DPYD: variants seen among roughly 807,000 people sequenced by gnomAD.
DPYD encodes the protein dihydropyrimidine dehydrogenase, also known as dihydropyrimidine dehydrogenase [NADP(+)].
Under a neutral mutation model 116.2 loss-of-function variants are expected in DPYD, and 109 were observed. The ratio of observed to expected loss-of-function variants is 0.94; its 90% CI spans 0.80 to 1.10. The LOEUF is 1.10. Among genes scored for constraint, DPYD ranks in the 50% least tolerant of loss-of-function variants. The probability of loss-of-function intolerance (pLI) is 0.00; values close to 1 mark genes in which losing one functional copy is unlikely to be tolerated. For missense variants in DPYD, 1,302 were observed against 1,254.5 expected (o/e 1.04, Z -0.57); for synonymous variants, 440 against 432.0 (o/e 1.02, Z -0.23).
At chr1:97,915,393 G>A (rs1674162475) in intron 1 of DPYD, among the ~76,000 whole-genome samples, 1 of 152,064 alleles carries the variant, frequency 6.6e-6, no homozygotes, top group South Asian at 2.1e-4. Context: ...GTTATATGTT[G>A]AGTTTGAATG....
At chr1:97,810,266 A>G (rs371368507) in intron 3 of DPYD, among the ~76,000 whole-genome samples, 26 of 144,882 alleles carry the variant, frequency 1.8e-4, no homozygotes, top group African/African-American at 6.7e-4. Flanking sequence ...CAGCCTGGGC[A>G]ACAGAGTGAG....
chr1:97,315,086 T>C (rs1398005817), intron 16 of DPYD, among the ~76,000 whole-genome samples: 1 of 151,804 alleles, frequency 6.6e-6, no homozygotes, highest in Non-Finnish European at 1.5e-5. Context: ...AACTGATGAG[T>C]AGATATGCTA....
intron 16 of DPYD, among the ~76,000 whole-genome samples, chr1:97,371,361 T>C (rs1414669197): frequency 6.6e-6 from 1 of 152,172 alleles, no homozygotes; most frequent in African/African-American, 2.4e-5. Flanking sequence ...TAGTAAGTTT[T>C]CAACAGATGA....
chr1:97,363,237 CA>C (rs1670840804), intron 16 of DPYD, among the ~76,000 whole-genome samples: 1 of 152,188 alleles, frequency 6.6e-6, no homozygotes, highest in South Asian at 2.1e-4. Context: ...AAATGCAAAT[CA>C]AAACCACAAT....
At chr1:97,264,277 C>T (rs77669363) in intron 18 of DPYD, among the ~76,000 whole-genome samples, 161 of 147,226 alleles carry the variant, frequency 1.1e-3, no homozygotes, top group African/African-American at 4.0e-3. Context: ...ATCTTCCTGC[C>T]TCACCCTCTC....
intron 14 of DPYD, among the ~76,000 whole-genome samples, chr1:97,394,711 T>TA (rs556400756): frequency 3.3e-5 from 5 of 151,964 alleles, no homozygotes; most frequent in South Asian, 4.1e-4. Flanking sequence ...CTTCAATTTG[T>TA]AAAAAAAGCA....
chr1:97,917,545 C>A (rs1169347413), intron 1 of DPYD, among the ~76,000 whole-genome samples: 1 of 152,100 alleles, frequency 6.6e-6, no homozygotes, highest in African/African-American at 2.4e-5. Flanking sequence ...ATTCCGAAAC[C>A]ATTTCTGTTT....
intron 18 of DPYD, among the ~76,000 whole-genome samples, chr1:97,276,676 CAAAA>C (rs36074078): frequency 3.4e-5 from 4 of 116,630 alleles, no homozygotes; most frequent in Non-Finnish European, 5.6e-5. Flanking sequence ...GACTCTGTCT[CAAAA>C]AAAAAAAAAA....
intron 20 of DPYD, among the ~76,000 whole-genome samples, chr1:97,187,500 G>T (rs1043469078): frequency 3.3e-5 from 5 of 152,034 alleles, no homozygotes; most frequent in Non-Finnish European, 7.4e-5. Context: ...TACGTAGTTT[G>T]AATATATTTT....
intron 8 of DPYD, among the ~76,000 whole-genome samples, chr1:97,644,764 A>G (rs1020630572): frequency 6.6e-6 from 1 of 151,836 alleles, no homozygotes; most frequent in African/African-American, 2.4e-5. Context: ...GGCCAATTTT[A>G]CATGTTTTTA....
At chr1:97,309,188 C>T (rs1427440711) in intron 16 of DPYD, among the ~76,000 whole-genome samples, 1 of 151,776 alleles carries the variant, frequency 6.6e-6, no homozygotes, top group Admixed American at 6.6e-5. Flanking sequence ...TTAAGAAAAA[C>T]AGAATAGCTT....
chr1:97,173,617 CAATT>C (rs1407957833), intron 20 of DPYD, among the ~76,000 whole-genome samples: 2 of 150,372 alleles, frequency 1.3e-5, no homozygotes, highest in East Asian at 3.9e-4. Flanking sequence ...CACTCAATCT[CAATT>C]AACTACTGCA....
At chr1:97,127,304 C>T (rs774155060) in intron 20 of DPYD, among the ~76,000 whole-genome samples, 15 of 152,092 alleles carry the variant, frequency 9.9e-5, no homozygotes, top group Non-Finnish European at 2.2e-4. Flanking sequence ...GGTAGCAATG[C>T]TGATGGTATG....
intron 16 of DPYD, among the ~76,000 whole-genome samples, chr1:97,338,089 T>G (rs1669394373): frequency 1.3e-5 from 2 of 152,210 alleles, no homozygotes; most frequent in South Asian, 4.1e-4. Context: ...TACAGAGTTT[T>G]ATACATGAAG....
chr1:97,911,882 C>T (rs555322140), intron 1 of DPYD, among the ~76,000 whole-genome samples: 64 of 152,054 alleles, frequency 4.2e-4, no homozygotes, highest in Admixed American at 1.2e-3. Flanking sequence ...AAGATAACAA[C>T]CTGAGGTCCA....
intron 2 of DPYD, among the ~76,000 whole-genome samples, chr1:97,839,740 C>T (rs1309648157): frequency 2.0e-5 from 3 of 152,064 alleles, no homozygotes; most frequent in Non-Finnish European, 4.4e-5. Context: ...ATGACAGGAT[C>T]TTTTTTTAAC....
rs1429783132 is a variant in DPYD at position 97,320,226 on chromosome 1, T to G, written c.2059-13929A>C. Among the ~76,000 whole-genome samples the G allele has an allele frequency of 2.1e-5, 3 of 141,256 alleles. No homozygotes were observed. In the East Asian group the frequency reaches 6.5e-4, roughly 30 times the overall value. 92.7% of individuals were successfully genotyped at this position (141,256 alleles called of 152,430 possible). A position where few individuals can be genotyped will look rare whatever the true frequency, so the allele number is the denominator to read the frequency against. The stretch of plus-strand genomic sequence containing the variant: ...CTATTCAACATAGTGTTGGAAGTTC[T>G]GGCCAGGGCAATCAGGCAGGAGAAA... On this transcript the variant is annotated intron_variant, in intron 16 of 22. Coordinates refer to ENST00000370192, the MANE Select transcript of DPYD (RefSeq NM_000110.4).
chr1:97,573,660 T>C, intron 11 of DPYD, 100 bp downstream of exon 11: 2 of 1,477,340 alleles, frequency 1.4e-6, no homozygotes, highest in Non-Finnish European at 1.9e-6. Flanking sequence ...AAGAGGAAAA[T>C]AAATTTTAAA....
chr1:97,587,383 G>A (rs1190870201), intron 10 of DPYD, among the ~76,000 whole-genome samples: 1 of 152,188 alleles, frequency 6.6e-6, no homozygotes, highest in African/African-American at 2.4e-5. Context: ...TGACGTGCAG[G>A]TGCCAAACGT....
Sources: allele counts gnomAD v4.1 joint callset (sites outside exome capture counted in the v4.1 genomes callset), GRCh38; gene constraint gnomAD v4.1.1; transcripts MANE v1.5; gene names NCBI Gene and HGNC (gene_info 2026-07-23, HGNC 2026-07-21).